ZNF106: variants seen among roughly 807,000 people sequenced by gnomAD.
ZNF106 encodes SH3-domain binding protein 3.
In ZNF106, 67 loss-of-function variants were observed where a neutral mutation model predicts 195.1. That is an observed-to-expected ratio of 0.34 (90% CI 0.28 to 0.42). ZNF106 has a LOEUF of 0.42. Among genes scored for constraint, ZNF106 ranks in the 10% least tolerant of loss-of-function variants. ZNF106 has a pLI of 1.00. For synonymous variants in ZNF106, 784 were observed against 818.6 expected, an observed-to-expected ratio of 0.96 and a Z score of 0.72; for missense variants, 2,118 against 2,304.5, an observed-to-expected ratio of 0.92 and a Z score of 1.66.
rs148042831 is a variant in ZNF106 at position 42,490,034 on chromosome 15, G to A, written c.-33+946C>T. 4.4e-3 allele frequency among the ~76,000 whole-genome samples: 663 copies of A among 151,568 alleles called. 4 individuals carry two copies. Among genetic ancestry groups the A allele is most frequent in the Non-Finnish European group, 6.5e-3 (441 of 67,906 alleles). Reference sequence around the variant, plus strand: ...AGCCTGGGCGAAAGAGCGAAACTCCGTCCTAAAAAAAATAATAATAATAAA... The same window carrying A: ...AGCCTGGGCGAAAGAGCGAAACTCCATCCTAAAAAAAATAATAATAATAAA... On this transcript the variant is annotated intron_variant, in intron 1 of 21. Coordinates refer to ENST00000564754, the MANE Select transcript of ZNF106 (RefSeq NM_001366845.3).
At chr15:42,464,943 G>C (rs1214146737) in intron 3 of ZNF106, among the ~76,000 whole-genome samples, 1 of 152,164 alleles carries the variant, frequency 6.6e-6, no homozygotes, top group African/African-American at 2.4e-5. Flanking sequence ...CATGTAAGAT[G>C]TAACTCTGCT....
chr15:42,458,169 T>C (rs955973909), intron 3 of ZNF106, among the ~76,000 whole-genome samples: 8 of 152,096 alleles, frequency 5.3e-5, no homozygotes, highest in Admixed American at 6.6e-5. Flanking sequence ...TTTAGACTAG[T>C]TATATTTTTG....
intron 17 of ZNF106, among the ~76,000 whole-genome samples, chr15:42,423,553 AT>A (rs1171718221): frequency 6.6e-6 from 1 of 151,512 alleles, no homozygotes; most frequent in Non-Finnish European, 1.5e-5. Context: ...TTAAAAAAAA[AT>A]TTTTTTTAAG....
chr15:42,453,869 C>G (rs2056134731), intron 4 of ZNF106, among the ~76,000 whole-genome samples: 1 of 152,180 alleles, frequency 6.6e-6, no homozygotes. Context: ...GCTGGGATTA[C>G]AGGCATGGCA....
chr15:42,417,386 T>A, intron 21 of ZNF106, 26 bp from the exon 22 acceptor site: 1 of 1,613,210 alleles, frequency 6.2e-7, no homozygotes, highest in African/African-American at 1.3e-5. Flanking sequence ...AAAGGGCCCA[T>A]GAGAGAGAAG....
chr15:42,446,408 CTGT>C (rs2141343279), intron 7 of ZNF106, among the ~76,000 whole-genome samples, 178 bp downstream of exon 7: 1 of 152,194 alleles, frequency 6.6e-6, no homozygotes, highest in South Asian at 2.1e-4. Flanking sequence ...TAGCTAGACC[CTGT>C]CTCTACAAAA....
intron 1 of ZNF106, 109 bp downstream of exon 1, chr15:42,490,868 CAGG>C (rs1328996271): frequency 1.3e-5 from 2 of 152,434 alleles, no homozygotes. Flanking sequence ...CCGCAGCCTG[CAGG>C]AGTAGAAACC....
chr15:42,469,687 A>T (rs536167491), intron 2 of ZNF106, among the ~76,000 whole-genome samples: 23 of 152,044 alleles, frequency 1.5e-4, no homozygotes, highest in East Asian at 7.7e-4. Context: ...ACAAAAAAAA[A>T]TTTTTAATTA....
chr15:42,449,915 T>A lies in ZNF106; in HGVS notation c.2357A>T (p.His786Leu), dbSNP rs192230685. Residue 786 changes from histidine to leucine, a missense_variant, in exon 5 of 22, where the codon CAC (histidine) becomes CTC (leucine). Transcript: ENST00000564754. ...SARRIRNISG[H>L]RKSETEKESG... is the part of the protein sequence containing the mutation. ...CTCCTTCTCTGTCTCACTCTTTCGG[T>A]GACCGCTAATATTGCGAATGCGGCG... is the stretch of plus-strand genomic sequence containing the variant. 6.2e-7 allele frequency: 1 copy of A among 1,614,198 alleles called. No individual in the cohort carries two copies. The highest frequency in any genetic ancestry group is 2.2e-5 in the East Asian group (1 of 44,880).
intron 7 of ZNF106, 75 bp from the exon 8 acceptor site, chr15:42,445,056 T>G: frequency 6.6e-7 from 1 of 1,522,046 alleles, no homozygotes; most frequent in Non-Finnish European, 8.9e-7. Context: ...AAGACTAAAC[T>G]ATACCCATTA....
At chr15:42,437,159 T>C in intron 13 of ZNF106, 73 bp downstream of exon 13, 2 of 1,501,978 alleles carry the variant, frequency 1.3e-6, no homozygotes, top group Non-Finnish European at 1.8e-6. Flanking sequence ...ATTCCCTTTA[T>C]TGTTTAAAAA....
At chr15:42,488,924 A>G (rs772600164) in intron 1 of ZNF106, among the ~76,000 whole-genome samples, 5 of 151,774 alleles carry the variant, frequency 3.3e-5, no homozygotes, top group African/African-American at 9.7e-5. Flanking sequence ...TAAAAATACA[A>G]AACGTTAGCC....
rs1380305313 is a variant in ZNF106 at position 42,451,337 on chromosome 15, C to T, written c.935G>A (p.Gly312Asp). 3 of 1,613,806 alleles carry T rather than the reference C, an allele frequency of 1.9e-6. No individual in the cohort carries two copies. Among genetic ancestry groups the T allele is most frequent in the Admixed American group, 1.7e-5 (1 of 59,982 alleles). Residue 312 changes from glycine to aspartate, a missense_variant, in exon 5 of 22, where the codon GGT (glycine) becomes GAT (aspartate). Physicochemically the swap from Gly to Asp is moderately conservative, Grantham distance 94. Transcript: ENST00000564754. ...NWQRQENDKLGTVATYRGPSE... is the reference protein window; with the variant it reads ...NWQRQENDKLDTVATYRGPSE... ...AGGACCTCTATATGTGGCAACTGTA[C>T]CAAGTTTGTCATTTTCTTGCCGCTG...
intron 1 of ZNF106, among the ~76,000 whole-genome samples, chr15:42,474,674 C>A (rs2056749775): frequency 1.3e-5 from 2 of 151,932 alleles, no homozygotes; most frequent in Admixed American, 1.3e-4. Flanking sequence ...TTCCTTGAGC[C>A]CAGGAGTTTG....
At position 42,439,607 on chromosome 15, in the gene ZNF106, T is replaced by G; in HGVS notation, c.3970A>C (p.Asn1324His). The change falls in exon 11 of 22, where the codon AAT becomes CAT. Residue 1324 changes from asparagine to histidine, a missense_variant. Coordinates refer to ENST00000564754, the MANE Select transcript of ZNF106 (RefSeq NM_001366845.3). ...NKEGEEPTKG[N>H]SGSEACTSSF... ...CTGGTACAGGCTTCAGACCCACTAT[T>G]GCCTTTGGTTGGCTCTTCCCCTTCT... 6.2e-7 allele frequency: 1 copy of G among 1,614,016 alleles called. No homozygotes were observed. Among genetic ancestry groups the G allele is most frequent in the African/African-American group, 1.3e-5 (1 of 75,046 alleles).
chr15:42,418,288 T>C (rs1261916191), intron 20 of ZNF106, among the ~76,000 whole-genome samples: 9 of 151,858 alleles, frequency 5.9e-5, no homozygotes, highest in Admixed American at 4.6e-4. Context: ...GTTGCCATCA[T>C]AAAATTGAGT....
At chr15:42,479,670 C>T (rs1409938212) in intron 1 of ZNF106, among the ~76,000 whole-genome samples, 1 of 151,856 alleles carries the variant, frequency 6.6e-6, no homozygotes, top group Non-Finnish European at 1.5e-5. Context: ...GGCAAAACCC[C>T]ATCTCTACTA....
At chr15:42,468,787 A>G (rs1355852492) in intron 2 of ZNF106, among the ~76,000 whole-genome samples, 1 of 152,098 alleles carries the variant, frequency 6.6e-6, no homozygotes, top group Admixed American at 6.6e-5. Context: ...AGCTTTACAC[A>G]TGACCTCTTC....
intron 4 of ZNF106, among the ~76,000 whole-genome samples, chr15:42,453,815 T>C (rs2056131728): frequency 3.9e-5 from 6 of 152,098 alleles, no homozygotes; most frequent in Admixed American, 3.9e-4. Flanking sequence ...AGGCTGGTCT[T>C]GAACTCCTGA....
Sources: allele counts gnomAD v4.1 joint callset (sites outside exome capture counted in the v4.1 genomes callset), GRCh38; gene constraint gnomAD v4.1.1; transcripts MANE v1.5; gene names NCBI Gene and HGNC (gene_info 2026-07-23, HGNC 2026-07-21).